ATP6V1H: variants seen among roughly 807,000 people sequenced by gnomAD.
ATP6V1H encodes V-type proton ATPase subunit H.
ATP6V1H carries 39 observed loss-of-function variants against 71.7 expected under a neutral mutation model. The observed-to-expected ratio is 0.54, with a 90% CI of 0.42 to 0.71. The LOEUF (loss-of-function observed/expected upper bound fraction) is 0.71, where lower values mean the gene tolerates loss of function less well. ATP6V1H is among the 30% of genes least tolerant of loss of function. ATP6V1H has a pLI of 0.00. For synonymous variants in ATP6V1H, 192 were observed against 199.3 expected (o/e 0.96, Z 0.31); for missense variants, 509 against 594.9 (o/e 0.86, Z 1.50).
chr8:53,777,692 C>CTT (rs1808944453), intron 9 of ATP6V1H, among the ~76,000 whole-genome samples: 1 of 152,160 alleles, frequency 6.6e-6, no homozygotes, highest in African/African-American at 2.4e-5. Flanking sequence ...CTGCACAATT[C>CTT]TACTACTACG....
At chr8:53,808,744 T>C (rs1174144659) in intron 7 of ATP6V1H, among the ~76,000 whole-genome samples, 1 of 150,486 alleles carries the variant, frequency 6.6e-6, no homozygotes, top group Non-Finnish European at 1.5e-5. Flanking sequence ...GAAGTTGCAG[T>C]GAGCTGAGAT....
intron 2 of ATP6V1H, among the ~76,000 whole-genome samples, chr8:53,840,950 CAAGA>C (rs1811324471): frequency 6.6e-6 from 1 of 152,098 alleles, no homozygotes; most frequent in Admixed American, 6.5e-5. Context: ...TTAATACATA[CAAGA>C]AAGAAGGGGG....
intron 13 of ATP6V1H, among the ~76,000 whole-genome samples, chr8:53,727,698 C>T (rs1330156189): frequency 1.3e-5 from 2 of 152,214 alleles, no homozygotes; most frequent in African/African-American, 4.8e-5. Flanking sequence ...TTAAATATGT[C>T]GCTCTAGCTT....
intron 13 of ATP6V1H, 152 bp from the exon 14 acceptor site, chr8:53,716,176 C>A (rs3735833): frequency 0.67 from 389,049 of 582,534 alleles, 134,601 homozygotes; most frequent in African/African-American, 0.93. Flanking sequence ...TCCAAATTTC[C>A]AAAGTACTTG....
chr8:53,807,620 T>C (rs1810126904), intron 7 of ATP6V1H, among the ~76,000 whole-genome samples: 1 of 152,164 alleles, frequency 6.6e-6, no homozygotes, highest in African/African-American at 2.4e-5. Context: ...GAAAGTAGGT[T>C]AGTGGTTGCC....
chr8:53,842,374 G>T (rs1410058159), intron 1 of ATP6V1H: 1 of 152,172 alleles, frequency 6.6e-6, no homozygotes, highest in Non-Finnish European at 1.5e-5. Flanking sequence ...CTACAATAAT[G>T]AAATTCTATG....
chr8:53,837,488 G>A (rs1445143390), intron 2 of ATP6V1H, among the ~76,000 whole-genome samples: 2 of 142,770 alleles, frequency 1.4e-5, no homozygotes, highest in African/African-American at 5.7e-5. Context: ...GGCTGTAAAT[G>A]CTATGGAAAA....
chr8:53,736,186 A>C (rs1280769505), intron 13 of ATP6V1H, among the ~76,000 whole-genome samples: 1 of 152,182 alleles, frequency 6.6e-6, no homozygotes, highest in East Asian at 1.9e-4. Context: ...CTTATATATA[A>C]GTGTCCCCAC....
At chr8:53,799,737 G>T (rs1809850247) in intron 8 of ATP6V1H, among the ~76,000 whole-genome samples, 1 of 152,146 alleles carries the variant, frequency 6.6e-6, no homozygotes. Context: ...AGGTGATTAG[G>T]TCATGAGGGC....
intron 12 of ATP6V1H, among the ~76,000 whole-genome samples, chr8:53,755,811 G>A (rs1349592860): frequency 2.1e-5 from 2 of 94,104 alleles, no homozygotes; most frequent in Non-Finnish European, 4.0e-5. Context: ...AGGCTGGAGT[G>A]CAGTGGCGGG....
chr8:53,769,162 A>T (rs1037326726), intron 11 of ATP6V1H, among the ~76,000 whole-genome samples: 1 of 152,158 alleles, frequency 6.6e-6, no homozygotes, highest in Non-Finnish European at 1.5e-5. Flanking sequence ...CTTCTAGGAG[A>T]TATCACATAA....
chr8:53,765,454 AACACACACACACACACACACACAC>A (rs59822523), intron 11 of ATP6V1H, among the ~76,000 whole-genome samples: 1 of 74,132 alleles, frequency 1.3e-5, no homozygotes. Context: ...CAACAACAAC[AACACACACACACACACACACACAC>A]ACACACACAC....
intron 13 of ATP6V1H, among the ~76,000 whole-genome samples, chr8:53,722,513 G>T (rs993824894): frequency 6.6e-6 from 1 of 152,066 alleles, no homozygotes; most frequent in African/African-American, 2.4e-5. Context: ...AAGATAGCAC[G>T]TAAGCAAAGT....
At chr8:53,814,564 TA>T in intron 6 of ATP6V1H, 97 bp downstream of exon 6, 1 of 679,480 alleles carries the variant, frequency 1.5e-6, no homozygotes. Flanking sequence ...ATTATTTTAA[TA>T]AAACATTTTT....
intron 11 of ATP6V1H, among the ~76,000 whole-genome samples, chr8:53,763,083 T>C (rs1339345433): frequency 1.3e-5 from 2 of 152,250 alleles, no homozygotes; most frequent in Non-Finnish European, 2.9e-5. Context: ...CTGTTTCTTA[T>C]CAGTGAGGCT....
At chr8:53,724,801 G>A (rs1806751859) in intron 13 of ATP6V1H, among the ~76,000 whole-genome samples, 1 of 150,638 alleles carries the variant, frequency 6.6e-6, no homozygotes, top group African/African-American at 2.4e-5. Flanking sequence ...CTATCCTTCC[G>A]ATTACTGTTC....
chr8:53,755,438 G>A (rs1196883631), intron 12 of ATP6V1H, among the ~76,000 whole-genome samples: 2 of 143,790 alleles, frequency 1.4e-5, no homozygotes, highest in Non-Finnish European at 3.0e-5. Context: ...TAGTGTGCGT[G>A]AGTCACTACA....
intron 9 of ATP6V1H, among the ~76,000 whole-genome samples, chr8:53,777,694 A>G (rs1197680443): frequency 6.6e-6 from 1 of 152,196 alleles, no homozygotes; most frequent in Non-Finnish European, 1.5e-5. Context: ...GCACAATTCT[A>G]CTACTACGGT....
intron 9 of ATP6V1H, among the ~76,000 whole-genome samples, chr8:53,783,965 T>C (rs1454898580): frequency 1.3e-5 from 2 of 152,250 alleles, no homozygotes; most frequent in African/African-American, 4.8e-5. Context: ...CTTCCAACTA[T>C]GTGGTCAATT....
Sources: gnomAD v4.1 joint callset for allele counts (sites outside exome capture counted in the v4.1 genomes callset) on GRCh38, gnomAD v4.1.1 for gene constraint, MANE v1.5 for transcripts, NCBI Gene and HGNC (gene_info 2026-07-23, HGNC 2026-07-21) for gene names.